ALS2CL: variants seen among roughly 807,000 people sequenced by gnomAD.
ALS2CL encodes the protein ALS2 C-terminal like.
A neutral mutation model predicts 127.9 loss-of-function variants in ALS2CL; 112 were observed. The observed-to-expected ratio is 0.88, with a 90% CI of 0.75 to 1.02. The LOEUF (loss-of-function observed/expected upper bound fraction) is 1.02. Ranked by LOEUF, ALS2CL falls within the 50% of genes least tolerant of loss-of-function variation. ALS2CL has a pLI of 0.00. For missense variants in ALS2CL, 1,174 were observed against 1,236.7 expected (o/e 0.95, Z 0.76); for synonymous variants, 519 against 527.6 (o/e 0.98, Z 0.22).
intron 10 of ALS2CL, 66 bp downstream of exon 10, chr3:46,683,064 T>G (rs1373442051): frequency 1.6e-5 from 23 of 1,437,790 alleles, no homozygotes; most frequent in Non-Finnish European, 2.1e-5. Flanking sequence ...TAGGCTTGTG[T>G]GCTGCTCTCT....
Position 46,686,190 on chromosome 3 carries a change from C to A in ALS2CL, c.666+118G>T. On this transcript the variant is annotated intron_variant, in intron 6 of 25. Coordinates refer to ENST00000318962, the MANE Select transcript of ALS2CL (RefSeq NM_147129.5). This position sits in a 1 kb window ranked among gnomAD's most constrained non-coding sequence, Gnocchi z 4.3. Reference sequence around the variant, plus strand: ...CAGCCACCTGCTTCAGCCATCACTCCCCCTTCCATATAGGGAAACTGAGGC... The same window carrying A: ...CAGCCACCTGCTTCAGCCATCACTCACCCTTCCATATAGGGAAACTGAGGC... The A allele has an allele frequency of 1.4e-6, 2 of 1,383,962 alleles. No homozygotes were observed. The highest frequency in any genetic ancestry group is 9.6e-7 in the Non-Finnish European group (1 of 1,042,470). The allele number at this position is 1,383,962 out of a possible 1,614,324, so 85.7% of individuals were successfully genotyped here.
At chr3:46,677,947 AT>A (rs139251541) in intron 16 of ALS2CL, among the ~76,000 whole-genome samples, 107 of 98,476 alleles carry the variant, frequency 1.1e-3, no homozygotes, top group African/African-American at 2.6e-3. Flanking sequence ...CTTATTTTCT[AT>A]TTTTTTTTTC....
intron 4 of ALS2CL, 66 bp from the exon 5 acceptor site, chr3:46,687,214 C>T: frequency 6.9e-7 from 1 of 1,439,030 alleles, no homozygotes; most frequent in Non-Finnish European, 9.1e-7. Flanking sequence ...ACACCGCCAC[C>T]TCCCTGCCCC....
intron 1 of ALS2CL, among the ~76,000 whole-genome samples, chr3:46,693,254 C>A (rs972815132): frequency 6.6e-6 from 1 of 152,266 alleles, no homozygotes; most frequent in African/African-American, 2.4e-5. Context: ...AGCTCCTGTT[C>A]CGGCCGCCAG....
At chr3:46,671,861 C>T in intron 24 of ALS2CL, 23 bp downstream of exon 24, 1 of 1,612,490 alleles carries the variant, frequency 6.2e-7, no homozygotes, top group East Asian at 2.2e-5. Context: ...CTGCCCTGCA[C>T]CCCCAGCTCC....
rs75627419 is a variant in ALS2CL at position 46,680,747 on chromosome 3, T to A, written c.1437-206A>T. The A allele has an allele frequency of 1.6e-3, 944 of 581,386 alleles. 10 individuals are homozygous for A. The highest frequency in any genetic ancestry group is 0.016 in the African/African-American group (832 of 53,416). The allele number at this position is 581,386 out of a possible 1,614,324, so 36.0% of individuals were successfully genotyped here. ...GGAGGGAGGCAGCCTGGGAAGGGCATCTGGGAGGCTTCTCCGTGGAGGTGG... is the reference window on the plus strand; with the variant it reads ...GGAGGGAGGCAGCCTGGGAAGGGCAACTGGGAGGCTTCTCCGTGGAGGTGG... On this transcript the variant is annotated intron_variant, in intron 13 of 25. Transcript: ENST00000318962.
In ALS2CL at chr3:46,685,580, G is replaced by C; in HGVS notation, c.731C>G (p.Ala244Gly). ...CAGCACACGCTCAGCCCGCAACGGT[G>C]CGACCGTCACGGGTACGTCCTGGCT... The part of the protein sequence containing the change: ...QDSQDVPVTV[A>G]PLRAERVLLF... Residue 244 changes from alanine (A) to glycine (G), a missense_variant, in exon 7 of 26, where the codon GCA becomes GGA. Transcript: ENST00000318962. The C allele has an allele frequency of 6.2e-7, 1 of 1,614,068 alleles. No homozygotes were observed. The highest frequency in any genetic ancestry group is 1.1e-5 in the South Asian group (1 of 91,070).
Position 46,681,303 on chromosome 3 carries a change from G to A in ALS2CL, c.1379C>T (p.Thr460Met), listed in dbSNP as rs200066715. ...CCTCTGGCCCCTCTCCCAGTGGCCC[G>A]TGTACCTGAAGGGCTGGGGGGCCTG... ...GPQAPQPFRY[T>M]GHWERGQRSG... The change falls in exon 13 of 26, where the codon ACG becomes ATG. Residue 460 changes from threonine to methionine, a missense_variant. By Grantham distance (81) the Thr-to-Met change is moderately conservative (BLOSUM62 -1). Coordinates refer to ENST00000318962, the MANE Select transcript of ALS2CL (RefSeq NM_147129.5). This position sits in a 1 kb window ranked among gnomAD's most constrained non-coding sequence, Gnocchi z 4.9. 6.7e-5 allele frequency: 108 copies of A among 1,613,736 alleles called. No individual in the cohort carries two copies. The highest frequency in any genetic ancestry group is 4.9e-4 in the Middle Eastern group (3 of 6,084).
intron 1 of ALS2CL, among the ~76,000 whole-genome samples, chr3:46,692,105 G>A (rs1293940193): frequency 1.3e-5 from 2 of 152,198 alleles, no homozygotes; most frequent in Non-Finnish European, 2.9e-5. Flanking sequence ...GGAACGGGCA[G>A]AAGTTAAGCA....
intron 14 of ALS2CL, chr3:46,680,218 T>C: frequency 1.8e-6 from 1 of 571,358 alleles, no homozygotes; most frequent in Non-Finnish European, 3.1e-6. Flanking sequence ...GAGTTGCTGA[T>C]GGGGAAACCA....
At chr3:46,675,721 C>A in intron 19 of ALS2CL, 35 bp from the exon 20 acceptor site, 3 of 1,612,058 alleles carry the variant, frequency 1.9e-6, no homozygotes, top group Non-Finnish European at 2.5e-6. Context: ...GTGTGGCTGC[C>A]CCTTGCCACA....
intron 25 of ALS2CL, 55 bp downstream of exon 25, chr3:46,671,433 G>T: frequency 6.2e-7 from 1 of 1,609,692 alleles, no homozygotes; most frequent in African/African-American, 1.3e-5. Flanking sequence ...AGGGAAAAGG[G>T]TCTGCCCCAG....
At position 46,674,618 on chromosome 3, in the gene ALS2CL, T is replaced by G; in HGVS notation, c.2377A>C (p.Asn793His). Residue 793 changes from asparagine to histidine, a missense_variant, in exon 21 of 26, where the codon AAC becomes CAC. Asn to His is a moderately conservative substitution (Grantham distance 68). Coordinates refer to ENST00000318962, the MANE Select transcript of ALS2CL (RefSeq NM_147129.5). ...TGGGTATCAGGAAAGAGGCTCAAGT[T>G]GGCAATGCCCTGGCTGTAGAAGCTG... is the stretch of plus-strand genomic sequence containing the variant. ...EDSFYSQGIANLSLFPDTQLL... is the reference protein window; with the variant it reads ...EDSFYSQGIAHLSLFPDTQLL... 1 of 1,614,114 alleles carries G rather than the reference T, an allele frequency of 6.2e-7. No individual in the cohort carries two copies. Among genetic ancestry groups the G allele is most frequent in the Non-Finnish European group, 8.5e-7 (1 of 1,179,992 alleles).
chr3:46,689,768 C>T (rs1040919282), intron 1 of ALS2CL, among the ~76,000 whole-genome samples: 2 of 152,240 alleles, frequency 1.3e-5, no homozygotes, highest in African/African-American at 4.8e-5. Flanking sequence ...CATTCCTCTG[C>T]TCAAATATCC....
In ALS2CL at chr3:46,687,656, C is replaced by A; in HGVS notation, c.331G>T (p.Val111Leu). The A allele has an allele frequency of 6.2e-7, 1 of 1,613,342 alleles. No individual in the cohort carries two copies. Among genetic ancestry groups the A allele is most frequent in the Non-Finnish European group, 8.5e-7 (1 of 1,179,730 alleles). Residue 111 changes from valine to leucine, a missense_variant, in exon 4 of 26, where the codon GTG becomes TTG. Coordinates refer to ENST00000318962, the MANE Select transcript of ALS2CL (RefSeq NM_147129.5). Reference sequence around the variant, plus strand: ...GCTGCCTTCTGGAAGGCCTGCACCACCATGCAGCTTGTGTAGGACTCAATG... The same window carrying A: ...GCTGCCTTCTGGAAGGCCTGCACCAACATGCAGCTTGTGTAGGACTCAATG... The part of the protein sequence containing the change: ...EYIESYTSCM[V>L]VQAFQKAAKR...
At position 46,689,448 on chromosome 3, in the gene ALS2CL, T is replaced by G. The variant is rs1443891664; in HGVS notation, c.-8A>C. ...CTCCTCAGGGTTGCACATGGCCAGGTGCCGGACTCAGGGCCTCCTAGGTAG... is the reference window on the plus strand; with the variant it reads ...CTCCTCAGGGTTGCACATGGCCAGGGGCCGGACTCAGGGCCTCCTAGGTAG... On this transcript the variant is annotated 5_prime_UTR_variant, in exon 2 of 26. Coordinates refer to ENST00000318962, the MANE Select transcript of ALS2CL (RefSeq NM_147129.5). The G allele has an allele frequency of 3.7e-6, 6 of 1,602,470 alleles. No homozygotes were observed. The highest frequency in any genetic ancestry group is 4.3e-6 in the Non-Finnish European group (5 of 1,174,994).
chr3:46,669,552 C>T lies in ALS2CL; in HGVS notation c.*1432G>A, dbSNP rs1275681251. 1 of 152,272 alleles carries T rather than the reference C, an allele frequency of 6.6e-6. No individual in the cohort carries two copies. Among genetic ancestry groups the T allele is most frequent in the Non-Finnish European group, 1.5e-5 (1 of 68,072 alleles). The allele number at this position is 152,272 out of a possible 1,614,324, so 9.4% of individuals were successfully genotyped here. ...GATGCCGATTGGAAAGGATAGAATC[C>T]TAGTGAGCTGCCCCAGTCCCGGTAA... On this transcript the variant is annotated 3_prime_UTR_variant, in exon 26 of 26. Coordinates refer to ENST00000318962, the MANE Select transcript of ALS2CL (RefSeq NM_147129.5).
At position 46,673,323 on chromosome 3, in the gene ALS2CL, C is replaced by T; in HGVS notation, c.2472+16G>A. 6.4e-7 allele frequency: 1 copy of T among 1,558,832 alleles called. No individual in the cohort carries two copies. The highest frequency in any genetic ancestry group is 1.4e-5 in the African/African-American group (1 of 73,546). On this transcript the variant is annotated intron_variant, in intron 22 of 25. Coordinates refer to ENST00000318962, the MANE Select transcript of ALS2CL (RefSeq NM_147129.5). ...CTCTGGGGGCCCCTGGCTTGGGGCT[C>T]TGGCCTCCCTCTCACCTGATTGCTC... is the stretch of plus-strand genomic sequence containing the variant.
rs765617426 is a variant in ALS2CL at position 46,689,357 on chromosome 3, G to A, written c.84C>T (p.Leu28=). The change falls in exon 2 of 26, where the codon CTC becomes CTT. Residue 28 remains leucine, a synonymous_variant. Transcript: ENST00000318962. ...ACTCACCGGCTGGGAGCAGGGGCTGGAGGACAAGGCTGTTGACATGGGCGA... is the reference window on the plus strand; with the variant it reads ...ACTCACCGGCTGGGAGCAGGGGCTGAAGGACAAGGCTGTTGACATGGGCGA... The part of the protein sequence containing the change: ...ATLAHVNSLV[L]QPLLPAAPDP... 2 of 1,612,940 alleles carry A rather than the reference G, an allele frequency of 1.2e-6. No individual in the cohort carries two copies. The highest frequency in any genetic ancestry group is 8.5e-7 in the Non-Finnish European group (1 of 1,179,918).
Sources: allele counts gnomAD v4.1 joint callset (sites outside exome capture counted in the v4.1 genomes callset), GRCh38; gene constraint gnomAD v4.1.1; non-coding constraint Gnocchi (gnomAD v3.1); transcripts MANE v1.5; gene names NCBI Gene and HGNC (gene_info 2026-07-23, HGNC 2026-07-21).